The following DPP6 variants were observed in gnomAD, a reference collection of about 807,000 sequenced individuals.
DPP6 encodes the protein A-type potassium channel modulatory protein DPP6.
Under a neutral mutation model 122.6 loss-of-function variants are expected in DPP6, and 69 were observed. The observed-to-expected ratio is 0.56, with a 90% confidence interval of 0.46 to 0.69. The LOEUF (loss-of-function observed/expected upper bound fraction) is 0.69, where lower values mean the gene tolerates loss of function less well. Ranked by LOEUF, DPP6 falls within the 30% of genes least tolerant of loss-of-function variation. The probability of loss-of-function intolerance (pLI) is 0.00; values close to 1 mark genes in which losing one functional copy is unlikely to be tolerated. For synonymous variants in DPP6, 418 were observed against 433.1 expected, an observed-to-expected ratio of 0.97 and a Z score of 0.43; for missense variants, 928 against 1,116.9, an observed-to-expected ratio of 0.83 and a Z score of 2.41.
At chr7:154,098,436 G>A (rs1019971489) in intron 1 of DPP6, among the ~76,000 whole-genome samples, 21 of 152,214 alleles carry the variant, frequency 1.4e-4, no homozygotes, top group Middle Eastern at 3.4e-3. Context: ...AAGAATTTGC[G>A]GTCATCTTTT....
At position 154,893,463 on chromosome 7, in the gene DPP6, A is replaced by C. The variant is rs1377003820; in HGVS notation, c.*983A>C. Reference sequence around the variant, plus strand: ...CATGACATTTGGTTTAAAAAAAAAAAAAAAAAAAAAAAAAAAACAGAAAAA... The same window carrying C: ...CATGACATTTGGTTTAAAAAAAAAACAAAAAAAAAAAAAAAAACAGAAAAA... On this transcript the variant is annotated 3_prime_UTR_variant, in exon 26 of 26. Coordinates refer to ENST00000377770, the MANE Select transcript of DPP6 (RefSeq NM_130797.4). 3 of 129,418 alleles carry C rather than the reference A, an allele frequency of 2.3e-5. No individual in the cohort carries two copies. Among genetic ancestry groups the C allele is most frequent in the Non-Finnish European group, 3.2e-5 (2 of 63,398 alleles). 8.0% of individuals were successfully genotyped at this position (129,418 alleles called of 1,614,324 possible).
At chr7:154,140,121 A>G (rs1196825491) in intron 1 of DPP6, among the ~76,000 whole-genome samples, 6 of 152,164 alleles carry the variant, frequency 3.9e-5, no homozygotes, top group Non-Finnish European at 7.4e-5. Flanking sequence ...CAGCCCCTAC[A>G]TCGCTCTTTC....
intron 8 of DPP6, among the ~76,000 whole-genome samples, chr7:154,736,277 A>AATGGCTAATAGTTCTGTGT (rs1186791184): frequency 2.6e-5 from 4 of 152,214 alleles, no homozygotes; most frequent in Non-Finnish European, 4.4e-5. Context: ...TGTTTCTGTA[A>AATGGCTAATAGTTCTGTGT]ATGGCTAATA....
chr7:153,970,947 A>G (rs2129033126), intron 1 of DPP6, among the ~76,000 whole-genome samples: 1 of 152,264 alleles, frequency 6.6e-6, no homozygotes, highest in East Asian at 1.9e-4. Flanking sequence ...TTCCTCTTTA[A>G]AATTGTTTTG....
the DPP6 span, among the ~76,000 whole-genome samples, chr7:153,805,737 C>T: frequency 1.2e-3 from 180 of 152,176 alleles, no homozygotes; most frequent in African/African-American, 3.8e-3. Flanking sequence ...TCATTCTCAG[C>T]AAACTACCGC....
intron 1 of DPP6, among the ~76,000 whole-genome samples, chr7:153,966,510 C>T (rs1453480639): frequency 1.4e-5 from 2 of 140,498 alleles, no homozygotes; most frequent in African/African-American, 2.6e-5. Flanking sequence ...TCCTCTCCTC[C>T]TGCTCCAGAG....
chr7:154,463,597 G>A (rs1398916671), intron 2 of DPP6, among the ~76,000 whole-genome samples: 1 of 152,098 alleles, frequency 6.6e-6, no homozygotes, highest in Non-Finnish European at 1.5e-5. Context: ...GCCTGTCTCT[G>A]AGTCTTACCC....
intron 1 of DPP6, among the ~76,000 whole-genome samples, chr7:153,942,228 C>T (rs1801729426): frequency 6.6e-6 from 1 of 152,254 alleles, no homozygotes; most frequent in African/African-American, 2.4e-5. Flanking sequence ...GGCACCACCC[C>T]ACGCCTGGCA....
At chr7:153,813,433 C>T in the DPP6 span, among the ~76,000 whole-genome samples, 8 of 152,112 alleles carry the variant, frequency 5.3e-5, no homozygotes, top group Admixed American at 3.3e-4. Context: ...CATTGTTGGA[C>T]ACTTGGGTTG....
At chr7:154,589,200 C>A (rs778135850) in intron 5 of DPP6, among the ~76,000 whole-genome samples, 1 of 152,154 alleles carries the variant, frequency 6.6e-6, no homozygotes, top group Admixed American at 6.5e-5. Context: ...CATGAATGTA[C>A]GCTTTTTCAT....
At chr7:154,769,366 A>G (rs889520644) in intron 8 of DPP6, 51 bp from the exon 9 acceptor site, 57 of 1,605,372 alleles carry the variant, frequency 3.6e-5, no homozygotes, top group Non-Finnish European at 4.7e-5. Flanking sequence ...TGCAGCTCCA[A>G]TTTCCACTCA....
chr7:153,808,228 CCTGAGTGTGCGTGT>C, the DPP6 span, among the ~76,000 whole-genome samples: 3 of 144,296 alleles, frequency 2.1e-5, no homozygotes, highest in South Asian at 2.2e-4. Context: ...AGTGTGCGTG[CCTGAGTGTGCGTGT>C]GTGCACGTGC....
At position 154,063,919 on chromosome 7, in the gene DPP6, G is replaced by C. The variant is rs577557506; in HGVS notation, c.243+10856G>C. Among the ~76,000 whole-genome samples the C allele has an allele frequency of 7.2e-5, 11 of 151,842 alleles. No homozygotes were observed. In the South Asian group the frequency reaches 2.3e-3, roughly 32 times the overall value. ...AGGAGCTGATACTCCTGAGTCTCGG[G>C]AAGCCTCCAGGGACAGAGCACAGCT... On this transcript the variant is annotated intron_variant, in intron 1 of 25. Coordinates refer to ENST00000377770, the MANE Select transcript of DPP6 (RefSeq NM_130797.4).
intron 6 of DPP6, among the ~76,000 whole-genome samples, chr7:154,661,053 C>CATATT (rs1837636398): frequency 5.7e-5 from 2 of 34,970 alleles, no homozygotes; most frequent in African/African-American, 1.3e-4. Context: ...ATCACCATGG[C>CATATT]GTATTGGCCG....
At chr7:153,990,175 G>C (rs1241271301) in intron 1 of DPP6, among the ~76,000 whole-genome samples, 1,627 of 20,568 alleles carry the variant, frequency 0.079, 61 homozygotes, top group Middle Eastern at 0.13. Flanking sequence ...CTTGCCAGCT[G>C]GAGGTGGGCC....
chr7:154,024,014 C>G (rs397842086), intron 1 of DPP6, among the ~76,000 whole-genome samples: 12 of 152,136 alleles, frequency 7.9e-5, no homozygotes, highest in Admixed American at 2.6e-4. Flanking sequence ...CTTTGAAGTT[C>G]TGATTATTCT....
chr7:154,200,339 G>A (rs954724469), intron 1 of DPP6, among the ~76,000 whole-genome samples: 1 of 152,096 alleles, frequency 6.6e-6, no homozygotes, highest in African/African-American at 2.4e-5. Flanking sequence ...CTTTATGCTA[G>A]GAACATTCAA....
intron 1 of DPP6, among the ~76,000 whole-genome samples, chr7:154,044,984 G>A (rs1009985800): frequency 6.6e-6 from 1 of 152,056 alleles, no homozygotes; most frequent in Non-Finnish European, 1.5e-5. Context: ...CTCTGCTAAG[G>A]TACAAAATCA....
intron 1 of DPP6, among the ~76,000 whole-genome samples, chr7:154,251,240 C>G (rs181903397): frequency 1.3e-5 from 2 of 152,094 alleles, no homozygotes; most frequent in African/African-American, 4.8e-5. Flanking sequence ...GGATGTTTCA[C>G]GGGAGCTACT....
Sources: allele counts gnomAD v4.1 joint callset (sites outside exome capture counted in the v4.1 genomes callset), GRCh38; gene constraint gnomAD v4.1.1; transcripts MANE v1.5; gene names NCBI Gene and HGNC (gene_info 2026-07-23, HGNC 2026-07-21).